Variants in DCAF13 observed in about 807,000 individuals in gnomAD.
The protein encoded by DCAF13 is DDB1- and CUL4-associated factor 13.
Under a neutral mutation model 59.0 loss-of-function variants are expected in DCAF13, and 38 were observed. The ratio of observed to expected loss-of-function variants is 0.64; its 90% CI spans 0.50 to 0.84. The LOEUF (loss-of-function observed/expected upper bound fraction) is 0.84, where lower values mean the gene tolerates loss of function less well. Among genes scored for constraint, DCAF13 ranks in the 40% least tolerant of loss-of-function variants. The probability of loss-of-function intolerance (pLI) is 0.00; values close to 1 mark genes in which losing one functional copy is unlikely to be tolerated. For synonymous variants in DCAF13, 173 were observed against 175.0 expected (o/e 0.99, Z 0.09); for missense variants, 469 against 558.4 (o/e 0.84, Z 1.61).
intron 1 of DCAF13, 64 bp downstream of exon 1, chr8:103,415,580 T>C (rs978727602): frequency 1.3e-6 from 2 of 1,501,696 alleles, no homozygotes. Flanking sequence ...GCCTCGGCTT[T>C]CGCGGAGTAA....
In DCAF13 at chr8:103,427,189, T is replaced by C; in HGVS notation, c.561T>C (p.Asn187=). Residue 187 remains asparagine, a synonymous_variant, in exon 5 of 11, where the codon AAT becomes AAC. Coordinates refer to ENST00000612750, the MANE Select transcript of DCAF13 (RefSeq NM_015420.7). Reference sequence around the variant, plus strand: ...ACATTTGGGATGAACAAAGAACTAATCCTATATGTTCAATGACCTGGGGAT... The same window carrying C: ...ACATTTGGGATGAACAAAGAACTAACCCTATATGTTCAATGACCTGGGGAT... ...QVDIWDEQRT[N]PICSMTWGFD... The C allele has an allele frequency of 6.2e-7, 1 of 1,613,494 alleles. No homozygotes were observed. Among genetic ancestry groups the C allele is most frequent in the Non-Finnish European group, 8.5e-7 (1 of 1,179,558 alleles).
rs745489735 is a variant in DCAF13 at position 103,426,072 on chromosome 8, CTG to C, written c.398_399del (p.Val133GlufsTer30). The C allele has an allele frequency of 6.2e-7, 1 of 1,612,382 alleles. No homozygotes were observed. The highest frequency in any genetic ancestry group is 8.5e-7 in the Non-Finnish European group (1 of 1,178,796). ...TATTTCTAGGTTGGTGATGACAAAA[CTG>C]TGAAGCAGTGGAAAATGGATGGGCC... is the stretch of plus-strand genomic sequence containing the variant. On this transcript the variant is annotated frameshift_variant, in exon 4 of 11. Transcript: ENST00000612750. LOFTEE classifies it high-confidence loss of function.
At chr8:103,416,035 T>G (rs1444137967) in intron 1 of DCAF13, among the ~76,000 whole-genome samples, 1 of 152,264 alleles carries the variant, frequency 6.6e-6, no homozygotes, top group African/African-American at 2.4e-5. Flanking sequence ...CTTCCTGGTC[T>G]GTTCCCCCGT....
chr8:103,430,921 C>T (rs1421079865), intron 6 of DCAF13, among the ~76,000 whole-genome samples: 2 of 152,154 alleles, frequency 1.3e-5, no homozygotes, highest in East Asian at 1.9e-4. Context: ...CTTGTGTCTT[C>T]CATGATGCCA....
chr8:103,422,444 C>T (rs1405416906), intron 3 of DCAF13, among the ~76,000 whole-genome samples: 1 of 152,120 alleles, frequency 6.6e-6, no homozygotes, highest in Non-Finnish European at 1.5e-5. Flanking sequence ...TTGGGGAATG[C>T]CCACCTCTGG....
chr8:103,437,676 G>A (rs1816950290), intron 8 of DCAF13, among the ~76,000 whole-genome samples: 2 of 151,804 alleles, frequency 1.3e-5, no homozygotes, highest in Non-Finnish European at 2.9e-5. Context: ...TGTTTCTGTG[G>A]TTTGTTTCCT....
intron 9 of DCAF13, 78 bp downstream of exon 9, chr8:103,440,349 T>G: frequency 7.6e-7 from 1 of 1,323,428 alleles, no homozygotes; most frequent in Non-Finnish European, 1.0e-6. Flanking sequence ...AAAATTTACT[T>G]TTAGGTATTT....
At chr8:103,420,860 A>G (rs1455464503) in intron 2 of DCAF13, 115 bp from the exon 3 acceptor site, 2 of 698,306 alleles carry the variant, frequency 2.9e-6, no homozygotes, top group Non-Finnish European at 5.0e-6. Flanking sequence ...TTTAATCCAA[A>G]GGATTTTGGT....
chr8:103,418,867 T>C (rs1816679678), intron 1 of DCAF13, among the ~76,000 whole-genome samples: 1 of 8,956 alleles, frequency 1.1e-4, no homozygotes, highest in African/African-American at 3.3e-4. Context: ...TATATATATA[T>C]TTTTTTTTTT....
At position 103,443,034 on chromosome 8, in the gene DCAF13, A is replaced by G. The variant is rs1307671371; in HGVS notation, c.*152A>G. ...CTCCTTTTAGCTACCCTGAAAAATGATCCTTAAAGGTGGCCTAGTTGGTAA... is the reference window on the plus strand; with the variant it reads ...CTCCTTTTAGCTACCCTGAAAAATGGTCCTTAAAGGTGGCCTAGTTGGTAA... On this transcript the variant is annotated 3_prime_UTR_variant, in exon 11 of 11. Transcript: ENST00000612750. 2 of 525,678 alleles carry G rather than the reference A, an allele frequency of 3.8e-6. No individual in the cohort carries two copies. The highest frequency in any genetic ancestry group is 2.0e-5 in the African/African-American group (1 of 50,774). The allele number at this position is 525,678 out of a possible 1,614,324, so 32.6% of individuals were successfully genotyped here.
At chr8:103,439,653 C>G (rs1302006944) in intron 8 of DCAF13, 1 of 152,098 alleles carries the variant, frequency 6.6e-6, no homozygotes, top group Non-Finnish European at 1.5e-5. Context: ...AAAATTCTGG[C>G]ATTAGATTCA....
In DCAF13 at chr8:103,417,211, G is replaced by A. The variant is rs1392824784; in HGVS notation, c.70+1695G>A. Among the ~76,000 whole-genome samples the A allele has an allele frequency of 2.0e-5, 3 of 152,070 alleles. No homozygotes were observed. In the East Asian group the frequency reaches 5.8e-4, roughly 29 times the overall value. ...TTGATTCCAGTATGCAACCCGTCCC[G>A]TTAATACAGTACAGTGCGAAAGTGA... On this transcript the variant is annotated intron_variant, in intron 1 of 10. Transcript: ENST00000612750.
At chr8:103,428,979 G>A (rs1181445383) in intron 5 of DCAF13, 1 of 151,836 alleles carries the variant, frequency 6.6e-6, no homozygotes, top group African/African-American at 2.4e-5. Context: ...CTCTTATCCT[G>A]TTTTAAACTT....
intron 1 of DCAF13, among the ~76,000 whole-genome samples, chr8:103,420,053 T>C (rs1332376843): frequency 6.7e-6 from 1 of 150,168 alleles, no homozygotes; most frequent in East Asian, 1.9e-4. Flanking sequence ...ATACCTAGGG[T>C]CTAATTGTTT....
At chr8:103,424,354 T>C (rs1008599484) in intron 3 of DCAF13, among the ~76,000 whole-genome samples, 3 of 152,206 alleles carry the variant, frequency 2.0e-5, no homozygotes, top group African/African-American at 7.2e-5. Flanking sequence ...TAATGTGTGC[T>C]TTGTCAGAGA....
Position 103,426,144 on chromosome 8 carries a change from A to C in DCAF13, c.467A>C (p.Lys156Thr). 3.1e-6 allele frequency: 5 copies of C among 1,595,244 alleles called. No individual in the cohort carries two copies. The South Asian group carries it at 4.5e-5, about 14-fold the overall frequency. ...EEEPLHTILGKTVYTGIDHHW... is the reference protein window; with the variant it reads ...EEEPLHTILGTTVYTGIDHHW... ...GAGCCATTACATACAATATTAGGAA[A>C]GGTACAAAAGTAAATTGACTAATAG... The change falls in exon 4 of 11, where the codon AAG (lysine) becomes ACG (threonine). Residue 156 changes from lysine (K) to threonine (T), a missense_variant and splice_region_variant. This residue lies in a region of DCAF13 where 355 missense variants were observed against 399.1 expected (regional missense o/e 0.89). Coordinates refer to ENST00000612750, the MANE Select transcript of DCAF13 (RefSeq NM_015420.7).
intron 1 of DCAF13, among the ~76,000 whole-genome samples, chr8:103,419,411 G>T (rs765345938): frequency 3.9e-5 from 6 of 152,200 alleles, no homozygotes; most frequent in Non-Finnish European, 7.3e-5. Flanking sequence ...TTTTGGAACA[G>T]CGCCTGGCAC....
intron 3 of DCAF13, 38 bp from the exon 4 acceptor site, chr8:103,426,018 G>C (rs201079016): frequency 3.5e-6 from 5 of 1,412,050 alleles, no homozygotes; most frequent in Non-Finnish European, 5.0e-6. Flanking sequence ...TATAACTGTT[G>C]TTCCTTACCA....
At chr8:103,417,202 A>G (rs949212653) in intron 1 of DCAF13, among the ~76,000 whole-genome samples, 3 of 152,200 alleles carry the variant, frequency 2.0e-5, no homozygotes, top group Non-Finnish European at 4.4e-5. Flanking sequence ...CCAGTATGCA[A>G]CCCGTCCCGT....
Sources: gnomAD v4.1 joint callset for allele counts (sites outside exome capture counted in the v4.1 genomes callset) on GRCh38, gnomAD v4.1.1 for gene constraint, gnomAD v4.1.1 regional missense constraint, MANE v1.5 for transcripts, NCBI Gene and HGNC (gene_info 2026-07-23, HGNC 2026-07-21) for gene names.